The following ASIC2 variants were observed in gnomAD, a reference collection of about 807,000 sequenced individuals.
The protein encoded by ASIC2 is acid-sensing ion channel 2.
Under a neutral mutation model 57.3 loss-of-function variants are expected in ASIC2, and 25 were observed. The ratio of observed to expected loss-of-function variants is 0.44; its 90% CI spans 0.32 to 0.61. The LOEUF is 0.61. Ranked by LOEUF, ASIC2 falls within the 20% of genes least tolerant of loss-of-function variation. ASIC2 has a pLI of 0.06. For missense variants in ASIC2, 641 were observed against 738.1 expected (o/e 0.87, Z 1.52); for synonymous variants, 319 against 307.5 (o/e 1.04, Z -0.39).
At chr17:34,129,198 A>C (rs1911881016) in intron 1 of ASIC2, among the ~76,000 whole-genome samples, 1 of 152,146 alleles carries the variant, frequency 6.6e-6, no homozygotes, top group Non-Finnish European at 1.5e-5. Context: ...CCTTTATCCC[A>C]TTTAATCCTC....
intron 1 of ASIC2, among the ~76,000 whole-genome samples, chr17:34,064,737 T>C (rs553577263): frequency 6.6e-6 from 1 of 152,202 alleles, no homozygotes; most frequent in African/African-American, 2.4e-5. Context: ...TAGACAATTC[T>C]CAAAAGAAGA....
chr17:33,959,091 A>G (rs1473394835), intron 1 of ASIC2, among the ~76,000 whole-genome samples: 1 of 152,226 alleles, frequency 6.6e-6, no homozygotes, highest in East Asian at 1.9e-4. Flanking sequence ...TATTGTCCAT[A>G]ACGCTATCAG....
intron 1 of ASIC2, among the ~76,000 whole-genome samples, chr17:33,400,503 C>A (rs1289199566): frequency 2.6e-5 from 4 of 152,194 alleles, no homozygotes; most frequent in African/African-American, 9.6e-5. Context: ...GTGTTGATGA[C>A]CTCTCCGACT....
At chr17:33,592,077 C>T (rs1362947893) in intron 1 of ASIC2, among the ~76,000 whole-genome samples, 1 of 152,218 alleles carries the variant, frequency 6.6e-6, no homozygotes, top group African/African-American at 2.4e-5. Context: ...CCACAAGTGT[C>T]TTCTGGGCTC....
At chr17:33,692,584 G>T (rs1269511567) in intron 1 of ASIC2, 2 of 152,184 alleles carry the variant, frequency 1.3e-5, no homozygotes, top group East Asian at 1.9e-4. Context: ...CAGTATAAAA[G>T]ATTTTTTAAA....
chr17:34,086,717 G>A (rs1216551737), intron 1 of ASIC2, among the ~76,000 whole-genome samples: 2 of 152,138 alleles, frequency 1.3e-5, no homozygotes, highest in African/African-American at 2.4e-5. Flanking sequence ...ATGAATCTGG[G>A]TGCTCCTGTA....
chr17:33,216,509 C>T (rs924127892), intron 1 of ASIC2, among the ~76,000 whole-genome samples: 6 of 152,020 alleles, frequency 3.9e-5, no homozygotes, highest in African/African-American at 1.2e-4. Flanking sequence ...TCCTGAATGA[C>T]GAGGAGGTGT....
chr17:33,787,917 G>A (rs533191906), intron 1 of ASIC2, among the ~76,000 whole-genome samples: 66 of 152,338 alleles, frequency 4.3e-4, no homozygotes, highest in African/African-American at 1.5e-3. Context: ...GTTCTCACAA[G>A]ATCTGGTTGT....
At chr17:33,561,193 G>A (rs79838005) in intron 1 of ASIC2, among the ~76,000 whole-genome samples, 1 of 152,088 alleles carries the variant, frequency 6.6e-6, no homozygotes, top group East Asian at 1.9e-4. Flanking sequence ...ACTCATGAAG[G>A]CCAACACTAG....
intron 1 of ASIC2, among the ~76,000 whole-genome samples, chr17:33,624,350 C>G (rs754972965): frequency 1.2e-4 from 18 of 152,258 alleles, no homozygotes; most frequent in Admixed American, 2.6e-4. Flanking sequence ...AGATCCATGT[C>G]TGTCGGGAGG....
At chr17:33,993,849 A>G (rs1906073969) in intron 1 of ASIC2, among the ~76,000 whole-genome samples, 1 of 152,148 alleles carries the variant, frequency 6.6e-6, no homozygotes, top group Admixed American at 6.5e-5. Flanking sequence ...GTCTGGTTAG[A>G]TGCTGTGGAC....
intron 1 of ASIC2, among the ~76,000 whole-genome samples, chr17:33,161,096 G>A (rs1905147670): frequency 6.6e-6 from 1 of 152,162 alleles, no homozygotes; most frequent in Admixed American, 6.5e-5. Flanking sequence ...AGCATCTATT[G>A]TTATAATAGA....
intron 1 of ASIC2, among the ~76,000 whole-genome samples, chr17:33,386,933 A>C (rs1377142150): frequency 3.3e-5 from 5 of 151,714 alleles, no homozygotes; most frequent in Admixed American, 3.3e-4. Context: ...CGTTTACATA[A>C]ATTCTTTGGG....
At chr17:33,217,039 T>C (rs879436480) in intron 1 of ASIC2, among the ~76,000 whole-genome samples, 1 of 152,238 alleles carries the variant, frequency 6.6e-6, no homozygotes, top group African/African-American at 2.4e-5. Context: ...TCCCAGTGAC[T>C]GTCAGAATAT....
intron 1 of ASIC2, among the ~76,000 whole-genome samples, chr17:34,145,077 G>T (rs754188998): frequency 4.6e-5 from 7 of 152,164 alleles, no homozygotes. Flanking sequence ...ATTCCTCTGG[G>T]AACTGCCTCT....
intron 1 of ASIC2, among the ~76,000 whole-genome samples, chr17:34,095,475 G>T (rs1910483331): frequency 6.6e-6 from 1 of 151,992 alleles, no homozygotes; most frequent in African/African-American, 2.4e-5. Flanking sequence ...TCAGTGGAGA[G>T]CCAGGACTGG....
At chr17:34,061,501 G>A (rs1305615327) in intron 1 of ASIC2, among the ~76,000 whole-genome samples, 2 of 152,146 alleles carry the variant, frequency 1.3e-5, no homozygotes, top group Admixed American at 6.6e-5. Flanking sequence ...AGAGCATGAT[G>A]AAAGCAACGG....
intron 1 of ASIC2, among the ~76,000 whole-genome samples, chr17:33,618,872 G>A (rs1415415831): frequency 6.6e-6 from 1 of 152,100 alleles, no homozygotes; most frequent in African/African-American, 2.4e-5. Flanking sequence ...TCATGAGCCT[G>A]GCCATTATAC....
intron 1 of ASIC2, among the ~76,000 whole-genome samples, chr17:33,872,335 G>T (rs926950598): frequency 1.3e-5 from 2 of 152,266 alleles, no homozygotes; most frequent in Non-Finnish European, 2.9e-5. Flanking sequence ...GTCAGTCTGA[G>T]GGGTCAGGCA....
Sources: allele counts gnomAD v4.1 joint callset (sites outside exome capture counted in the v4.1 genomes callset), GRCh38; gene constraint gnomAD v4.1.1; transcripts MANE v1.5; gene names NCBI Gene and HGNC (gene_info 2026-07-23, HGNC 2026-07-21).